Variants in NHEJ1 observed in about 807,000 individuals in gnomAD.
NHEJ1 encodes non-homologous end joining factor 1.
A neutral mutation model predicts 39.4 loss-of-function variants in NHEJ1; 22 were observed. The observed-to-expected ratio is 0.56, with a 90% CI of 0.40 to 0.80. The LOEUF is 0.80. NHEJ1 is among the 30% of genes least tolerant of loss of function. NHEJ1 has a pLI of 0.00. For synonymous variants in NHEJ1, 154 were observed against 135.6 expected, an observed-to-expected ratio of 1.14 and a Z score of -0.94; for missense variants, 329 against 357.1, an observed-to-expected ratio of 0.92 and a Z score of 0.63.
chr2:219,152,430 A>C (rs1478029464), intron 3 of NHEJ1, among the ~76,000 whole-genome samples: 1 of 152,040 alleles, frequency 6.6e-6, no homozygotes, highest in Non-Finnish European at 1.5e-5. Flanking sequence ...ACATAGTAAG[A>C]CCCCCATCTC....
At chr2:219,131,005 T>A (rs1949572716) in intron 5 of NHEJ1, among the ~76,000 whole-genome samples, 2 of 152,046 alleles carry the variant, frequency 1.3e-5, no homozygotes, top group African/African-American at 2.4e-5. Context: ...GGTGGGAGGA[T>A]CACTTGAGCC....
intron 5 of NHEJ1, among the ~76,000 whole-genome samples, chr2:219,088,021 G>A (rs551715571): frequency 3.3e-4 from 50 of 152,100 alleles, no homozygotes; most frequent in African/African-American, 4.6e-4. Context: ...AACCACAACC[G>A]GATATCTCTA....
At chr2:219,157,022 T>C (rs1177319835) in intron 3 of NHEJ1, among the ~76,000 whole-genome samples, 1 of 152,246 alleles carries the variant, frequency 6.6e-6, no homozygotes, top group Admixed American at 6.5e-5. Context: ...ATGATTTTTC[T>C]ATTTATTTTC....
rs368706049 is a variant in NHEJ1, at chr2:219,111,628, G to GACACACACACACACACAC, written c.589-33440_589-33423dup. ...GAATTAAGTCTACAGTGTGAATACA[G>GACACACACACACACACAC]ACACACACACACACACACACACACA... On this transcript the variant is annotated intron_variant, in intron 5 of 7. Transcript: ENST00000356853. This position sits in a 1 kb window ranked among gnomAD's most constrained non-coding sequence, Gnocchi z 4.1. Among the ~76,000 whole-genome samples, 169 of 138,426 alleles carry GACACACACACACACACAC rather than the reference G, an allele frequency of 1.2e-3. No homozygotes were observed. In the Middle Eastern group the frequency reaches 0.014, roughly 12 times the overall value. 90.8% of individuals were successfully genotyped at this position (138,426 alleles called of 152,430 possible). A position where few individuals can be genotyped will look rare whatever the true frequency, so the allele number is the denominator to read the frequency against.
chr2:219,097,354 G>A (rs1949217948), intron 5 of NHEJ1, among the ~76,000 whole-genome samples: 1 of 152,212 alleles, frequency 6.6e-6, no homozygotes, highest in Non-Finnish European at 1.5e-5. Context: ...TATTAGAGCA[G>A]AGGCAGATTC....
intron 5 of NHEJ1, among the ~76,000 whole-genome samples, chr2:219,132,565 C>G (rs1264485472): frequency 2.0e-5 from 3 of 152,122 alleles, no homozygotes; most frequent in African/African-American, 7.2e-5. Context: ...ATTGCTCAGG[C>G]TTCAAGCATA....
intron 5 of NHEJ1, among the ~76,000 whole-genome samples, chr2:219,083,365 C>A (rs1438127071): frequency 6.6e-6 from 1 of 151,574 alleles, no homozygotes; most frequent in Non-Finnish European, 1.5e-5. Context: ...AAAGATGAAC[C>A]CAACATGCGA....
intron 5 of NHEJ1, among the ~76,000 whole-genome samples, chr2:219,121,294 C>T (rs1949469098): frequency 1.3e-5 from 2 of 152,068 alleles, no homozygotes; most frequent in Admixed American, 1.3e-4. Flanking sequence ...TCTACTTCAA[C>T]TACATCCTTA....
intron 5 of NHEJ1, chr2:219,095,150 A>G (rs1949194301): frequency 7.7e-6 from 3 of 391,366 alleles, no homozygotes; most frequent in South Asian, 5.8e-5. Flanking sequence ...GGGTGTGGCT[A>G]AGGAAACACT....
rs1271395121 is a variant in NHEJ1 at position 219,069,507 on chromosome 2, A to G, written c.*6874T>C. 6.6e-6 allele frequency: 1 copy of G among 152,218 alleles called. No homozygotes were observed. The highest frequency in any genetic ancestry group is 1.5e-5 in the Non-Finnish European group (1 of 68,052). The allele number at this position is 152,218 out of a possible 1,614,324, so 9.4% of individuals were successfully genotyped here. A position where few individuals can be genotyped will look rare whatever the true frequency, so the allele number is the denominator to read the frequency against. On this transcript the variant is annotated 3_prime_UTR_variant, in exon 8 of 8. Coordinates refer to ENST00000356853, the MANE Select transcript of NHEJ1 (RefSeq NM_024782.3). ...TCATTCATCAAAGCCATTTTGAAGCAAGGACTGCTTAGTAGGAGCTGAGCT... is the reference window on the plus strand; with the variant it reads ...TCATTCATCAAAGCCATTTTGAAGCGAGGACTGCTTAGTAGGAGCTGAGCT...
intron 5 of NHEJ1, among the ~76,000 whole-genome samples, chr2:219,080,296 G>A (rs1483727354): frequency 6.6e-6 from 1 of 152,082 alleles, no homozygotes; most frequent in Non-Finnish European, 1.5e-5. Flanking sequence ...CAGCACTTTG[G>A]GAGGCCGAGG....
At chr2:219,090,007 CCACCACTTA>C (rs1383987100) in intron 5 of NHEJ1, among the ~76,000 whole-genome samples, 1 of 152,128 alleles carries the variant, frequency 6.6e-6, no homozygotes, top group Non-Finnish European at 1.5e-5. Flanking sequence ...GAAAATAAGT[CCACCACTTA>C]CATGTTTGTT....
Position 219,157,646 on chromosome 2 carries a change from G to C in NHEJ1, c.216C>G (p.Phe72Leu), listed in dbSNP as rs759490501. ...GAAGGAGATTATCCAAATGACAGAGGAAAGCTGCAGGAGGAGCAGTGAGCC... is the reference window on the plus strand; with the variant it reads ...GAAGGAGATTATCCAAATGACAGAGCAAAGCTGCAGGAGGAGCAGTGAGCC... ...NKRLTAPPAA[F>L]LCHLDNLLRP... The change falls in exon 3 of 8, where the codon TTC (phenylalanine) becomes TTG (leucine). Residue 72 changes from phenylalanine to leucine, a missense_variant. By Grantham distance (22) the Phe-to-Leu change is conservative (BLOSUM62 0). Transcript: ENST00000356853. 1.6e-5 allele frequency: 26 copies of C among 1,614,122 alleles called. No homozygotes were observed. The South Asian group carries it at 2.6e-4, about 16-fold the overall frequency.
At chr2:219,157,399 A>C in intron 3 of NHEJ1, 73 bp downstream of exon 3, 1 of 1,362,238 alleles carries the variant, frequency 7.3e-7, no homozygotes, top group South Asian at 1.2e-5. Context: ...TGCAAAAAAA[A>C]TAAAAGCACC....
intron 1 of NHEJ1, among the ~76,000 whole-genome samples, chr2:219,159,564 CATATATATATGCATATATATATGCAT>C (rs1949902145): frequency 1.9e-4 from 12 of 61,698 alleles, no homozygotes; most frequent in African/African-American, 9.9e-4. Context: ...TATATATATG[CATATATATATGCATATATATATGCAT>C]ATATATATAT....
intron 5 of NHEJ1, among the ~76,000 whole-genome samples, chr2:219,098,266 G>T (rs943391820): frequency 6.6e-6 from 1 of 152,174 alleles, no homozygotes; most frequent in South Asian, 2.1e-4. Context: ...GTAGTGAAGG[G>T]GAGTGAAGAT....
intron 5 of NHEJ1, among the ~76,000 whole-genome samples, chr2:219,138,341 C>A (rs1949656870): frequency 6.6e-6 from 1 of 152,182 alleles, no homozygotes; most frequent in Non-Finnish European, 1.5e-5. Context: ...GAAGTTGGGA[C>A]TGCCTTTCAG....
chr2:219,104,726 G>T lies in NHEJ1; in HGVS notation c.589-26520C>A, dbSNP rs149889887. Among the ~76,000 whole-genome samples the T allele has an allele frequency of 3.0e-3, 459 of 152,180 alleles. 2 individuals carry two copies. The highest frequency in any genetic ancestry group is 0.011 in the African/African-American group (441 of 41,520). On this transcript the variant is annotated intron_variant, in intron 5 of 7. Transcript: ENST00000356853. ...ACCCCCCCACACACACAAAAAAGAA[G>T]AAACCACTAGAAAATTAAGAAAACC... is the stretch of plus-strand genomic sequence containing the variant.
chr2:219,119,833 C>A (rs1006715304), intron 5 of NHEJ1, among the ~76,000 whole-genome samples: 3 of 152,190 alleles, frequency 2.0e-5, no homozygotes, highest in African/African-American at 7.2e-5. Context: ...TGGACCCTAA[C>A]TAGCCAGAAC....
Sources: allele counts gnomAD v4.1 joint callset (sites outside exome capture counted in the v4.1 genomes callset), GRCh38; gene constraint gnomAD v4.1.1; non-coding constraint Gnocchi (gnomAD v3.1); transcripts MANE v1.5; gene names NCBI Gene and HGNC (gene_info 2026-07-23, HGNC 2026-07-21).